The following PHACTR2 variants were observed in gnomAD, a reference collection of about 807,000 sequenced individuals.
PHACTR2 encodes chromosome 6 open reading frame 56.
Under a neutral mutation model 76.0 loss-of-function variants are expected in PHACTR2, and 30 were observed. The observed-to-expected ratio is 0.39, with a 90% CI of 0.30 to 0.54. PHACTR2 has a LOEUF of 0.54. PHACTR2 is among the 20% of genes least tolerant of loss of function. PHACTR2 has a pLI of 0.61. For synonymous variants in PHACTR2, 292 were observed against 292.5 expected, an observed-to-expected ratio of 1.00 and a Z score of 0.02; for missense variants, 696 against 781.1, an observed-to-expected ratio of 0.89 and a Z score of 1.30.
chr6:143,817,034 C>T (rs1205444449), intron 12 of PHACTR2, among the ~76,000 whole-genome samples: 1 of 152,162 alleles, frequency 6.6e-6, no homozygotes, highest in Admixed American at 6.5e-5. Context: ...CCACTGCACT[C>T]CAGACTGTGT....
Position 143,550,398 on chromosome 6 carries a change from C to T in PHACTR2, c.217+13191C>T, listed in dbSNP as rs1775080089. Among the ~76,000 whole-genome samples the T allele has an allele frequency of 6.6e-6, 1 of 152,016 alleles. No individual in the cohort carries two copies. The highest frequency in any genetic ancestry group is 2.1e-4 in the South Asian group (1 of 4,808). ...TCCTTATAGCACTGATGTACCTCAA[C>T]ATCCCATCCATGGAAACTTCCATGC... On this transcript the variant is annotated intron_variant, in intron 1 of 11. Transcript: ENST00000367584. This position sits in a 1 kb window ranked among gnomAD's most constrained non-coding sequence, Gnocchi z 4.8.
rs958185013 is a variant in PHACTR2 at position 143,615,891 on chromosome 6, A to G, written c.13+7569A>G. ...TCCTTTTTCTTTCACTAGTAATGCTAACACGTTACATTCCACATGACTCTT... is the reference window on the plus strand; with the variant it reads ...TCCTTTTTCTTTCACTAGTAATGCTGACACGTTACATTCCACATGACTCTT... On this transcript the variant is annotated intron_variant, in intron 1 of 11. Coordinates refer to the PHACTR2 transcript ENST00000305766. 3.3e-5 allele frequency among the ~76,000 whole-genome samples: 5 copies of G among 152,318 alleles called. No homozygotes were observed. The East Asian group carries it at 5.8e-4, about 18-fold the overall frequency.
rs1779154192 is a variant in PHACTR2 at position 143,750,185 on chromosome 6, T to G, written c.295+1120T>G. On this transcript the variant is annotated intron_variant, in intron 3 of 12. Coordinates refer to ENST00000440869, the MANE Select transcript of PHACTR2 (RefSeq NM_001100164.2). The surrounding 1 kb of genome is among the most constrained non-coding windows in gnomAD (Gnocchi z 4.6). ...TCTGCAGTGAATAGTAGCATTTTCT[T>G]AAGCCCTCGCAATTTTAGGTATTTT... Among the ~76,000 whole-genome samples the G allele has an allele frequency of 6.6e-6, 1 of 152,216 alleles. No individual in the cohort carries two copies. Among genetic ancestry groups the G allele is most frequent in the Admixed American group, 6.5e-5 (1 of 15,282 alleles).
At position 143,827,020 on chromosome 6, in the gene PHACTR2, A is replaced by G. The variant is rs1249407666; in HGVS notation, c.*3331A>G. ...TTGAAGGGAAAATATATTTAAGGAA[A>G]TAAAGGAATTCAATACACCCTTCAA... is the stretch of plus-strand genomic sequence containing the variant. On this transcript the variant is annotated 3_prime_UTR_variant, in exon 13 of 13. Coordinates refer to ENST00000440869, the MANE Select transcript of PHACTR2 (RefSeq NM_001100164.2). 1 of 151,454 alleles carries G rather than the reference A, an allele frequency of 6.6e-6. No individual in the cohort carries two copies. Among genetic ancestry groups the G allele is most frequent in the Non-Finnish European group, 1.5e-5 (1 of 67,874 alleles). 9.4% of individuals were successfully genotyped at this position (151,454 alleles called of 1,614,324 possible).
chr6:143,728,336 C>T (rs924806357), intron 2 of PHACTR2, among the ~76,000 whole-genome samples: 8 of 150,902 alleles, frequency 5.3e-5, no homozygotes, highest in Admixed American at 4.0e-4. Context: ...CTCAGCCTCC[C>T]GAGTAGCTGG....
chr6:143,742,029 C>T lies in PHACTR2; in HGVS notation c.215-6956C>T, dbSNP rs367654093. Among the ~76,000 whole-genome samples the T allele has an allele frequency of 5.0e-4, 76 of 151,248 alleles. 1 individual carries two copies. The South Asian group carries it at 0.015, about 30-fold the overall frequency. ...CTGAGGCAGGAGAATTGCCTGAACG[C>T]GGGAGGTGGAGGTTGCAGTGAGCTG... On this transcript the variant is annotated intron_variant, in intron 2 of 12. Coordinates refer to ENST00000440869, the MANE Select transcript of PHACTR2 (RefSeq NM_001100164.2). The surrounding 1 kb of genome is among the most constrained non-coding windows in gnomAD (Gnocchi z 4.5).
chr6:143,802,852 A>G lies in PHACTR2; in HGVS notation c.1846-4205A>G, dbSNP rs1240547002. 3.3e-5 allele frequency among the ~76,000 whole-genome samples: 5 copies of G among 152,166 alleles called. No homozygotes were observed. In the East Asian group the frequency reaches 9.6e-4, roughly 29 times the overall value. On this transcript the variant is annotated intron_variant, in intron 11 of 12. Coordinates refer to ENST00000440869, the MANE Select transcript of PHACTR2 (RefSeq NM_001100164.2). ...AGGAAGTAGCTCTTGTAATAAAACT[A>G]TGATCAATCTTCAGTGAATTTTAAA...
In PHACTR2 at chr6:143,647,682, G is replaced by A. The variant is rs1776683928; in HGVS notation, c.13+39360G>A. 6.6e-6 allele frequency among the ~76,000 whole-genome samples: 1 copy of A among 152,222 alleles called. No homozygotes were observed. Among genetic ancestry groups the A allele is most frequent in the Non-Finnish European group, 1.5e-5 (1 of 68,034 alleles). ...ATTTGTTAGCTGAAAGGAAACCTTG[G>A]TTGAAGTGAGGGAGGAGGAAACCTT... On this transcript the variant is annotated intron_variant, in intron 1 of 11. Transcript: ENST00000305766. The surrounding 1 kb of genome is among the most constrained non-coding windows in gnomAD (Gnocchi z 4.2).
At position 143,825,121 on chromosome 6, in the gene PHACTR2, A is replaced by G. The variant is rs936354020; in HGVS notation, c.*1432A>G. On this transcript the variant is annotated 3_prime_UTR_variant, in exon 13 of 13. Transcript: ENST00000440869. This position sits in a 1 kb window ranked among gnomAD's most constrained non-coding sequence, Gnocchi z 4.1. ...ACCTTGCATTTCATTGTTCTTCACA[A>G]GTGCTTTGTGCCCCTTTAATTAAAA... 6.6e-6 allele frequency: 1 copy of G among 152,644 alleles called. No homozygotes were observed. The highest frequency in any genetic ancestry group is 1.5e-5 in the Non-Finnish European group (1 of 68,042). The allele number at this position is 152,644 out of a possible 1,614,324, so 9.5% of individuals were successfully genotyped here.
rs1296881106 is a variant in PHACTR2, at chr6:143,751,189, T to C, written c.295+2124T>C. 2.6e-5 allele frequency among the ~76,000 whole-genome samples: 4 copies of C among 152,200 alleles called. No individual in the cohort carries two copies. The highest frequency in any genetic ancestry group is 9.7e-5 in the African/African-American group (4 of 41,448). On this transcript the variant is annotated intron_variant, in intron 3 of 12. Coordinates refer to ENST00000440869, the MANE Select transcript of PHACTR2 (RefSeq NM_001100164.2). The surrounding 1 kb of genome is among the most constrained non-coding windows in gnomAD (Gnocchi z 5.7). ...CCTGTCCATCAAGCCCTTTATTCAG[T>C]GAGCCAGATAGACTTTAAAAATCCC...
At chr6:143,752,504 C>T (rs77280838) in intron 3 of PHACTR2, among the ~76,000 whole-genome samples, 3 of 152,060 alleles carry the variant, frequency 2.0e-5, no homozygotes, top group Admixed American at 2.0e-4. Context: ...CTTGTAATGG[C>T]ATTGCCTTCA....
intron 1 of PHACTR2, among the ~76,000 whole-genome samples, chr6:143,687,329 A>T (rs1777547981): frequency 6.6e-6 from 1 of 152,234 alleles, no homozygotes. Flanking sequence ...AGGAAACAAG[A>T]ATTGTAAGAA....
intron 1 of PHACTR2, among the ~76,000 whole-genome samples, chr6:143,637,451 A>G (rs929673216): frequency 1.3e-5 from 2 of 152,212 alleles, no homozygotes; most frequent in Non-Finnish European, 2.9e-5. Flanking sequence ...CTAGTCCTCA[A>G]TATGTTCTCA....
intron 1 of PHACTR2, among the ~76,000 whole-genome samples, chr6:143,575,237 G>C (rs531079739): frequency 5.3e-4 from 81 of 152,200 alleles, no homozygotes; most frequent in Non-Finnish European, 7.5e-4. Flanking sequence ...TCTATCCGTG[G>C]TTCATAGTTC....
upstream of PHACTR2, among the ~76,000 whole-genome samples, chr6:143,673,549 G>A (rs1777192184): frequency 6.6e-6 from 1 of 152,042 alleles, no homozygotes; most frequent in Non-Finnish European, 1.5e-5. Flanking sequence ...TTTAAGGACT[G>A]TTCTCTTTAG....
rs1184389240 is a variant in PHACTR2, at chr6:143,794,143, G to C, written c.1845+5233G>C. On this transcript the variant is annotated intron_variant, in intron 11 of 12. Coordinates refer to ENST00000440869, the MANE Select transcript of PHACTR2 (RefSeq NM_001100164.2). The surrounding 1 kb of genome is among the most constrained non-coding windows in gnomAD (Gnocchi z 4.1). Reference sequence around the variant, plus strand: ...TTACTACCTAACACTGAAAAAAATTGTTCCCTCTAGTTGTTAAAAGATAAG... The same window carrying C: ...TTACTACCTAACACTGAAAAAAATTCTTCCCTCTAGTTGTTAAAAGATAAG... Among the ~76,000 whole-genome samples, 6 of 151,666 alleles carry C rather than the reference G, an allele frequency of 4.0e-5. No individual in the cohort carries two copies. Among genetic ancestry groups the C allele is most frequent in the Admixed American group, 3.9e-4 (6 of 15,212 alleles).
chr6:143,631,264 C>T (rs544404172), intron 1 of PHACTR2, among the ~76,000 whole-genome samples: 1 of 152,094 alleles, frequency 6.6e-6, no homozygotes, highest in South Asian at 2.1e-4. Context: ...AATCATAGCT[C>T]ACTGCAGCCT....
chr6:143,780,037 A>G lies in PHACTR2; in HGVS notation c.1645+2654A>G, dbSNP rs1008912731. Among the ~76,000 whole-genome samples, 2 of 151,614 alleles carry G rather than the reference A, an allele frequency of 1.3e-5. No homozygotes were observed. The highest frequency in any genetic ancestry group is 4.8e-5 in the African/African-American group (2 of 41,314). ...CTTAAAAGTTCAACTTTTGCTAATC[A>G]AGAAAGGTGATGTATTTAGCTGAGA... On this transcript the variant is annotated intron_variant, in intron 9 of 12. Transcript: ENST00000440869. The surrounding 1 kb of genome is among the most constrained non-coding windows in gnomAD (Gnocchi z 4.4).
chr6:143,579,583 A>G (rs912509227), intron 1 of PHACTR2, among the ~76,000 whole-genome samples: 9 of 152,062 alleles, frequency 5.9e-5, no homozygotes, highest in African/African-American at 1.9e-4. Flanking sequence ...AACCCCCCCA[A>G]TAAGGCACCA....
Sources: gnomAD v4.1 joint callset for allele counts (sites outside exome capture counted in the v4.1 genomes callset) on GRCh38, gnomAD v4.1.1 for gene constraint, Gnocchi (gnomAD v3.1) non-coding constraint, MANE v1.5 for transcripts, NCBI Gene and HGNC (gene_info 2026-07-23, HGNC 2026-07-21) for gene names.